The following UBR3 variants were observed in gnomAD, a reference collection of about 807,000 sequenced individuals.
UBR3 encodes the protein ubiquitin protein ligase E3 component n-recognin 3, also known as E3 ubiquitin-protein ligase UBR3.
UBR3 carries 85 observed loss-of-function variants against 243.2 expected under a neutral mutation model. The ratio of observed to expected loss-of-function variants is 0.35; its 90% CI spans 0.29 to 0.42. The LOEUF (loss-of-function observed/expected upper bound fraction) is 0.42. Among genes scored for constraint, UBR3 ranks in the 10% least tolerant of loss-of-function variants. UBR3 has a pLI of 1.00. For missense variants in UBR3, 1,686 were observed against 2,300.8 expected, an observed-to-expected ratio of 0.73 and a Z score of 5.47; for synonymous variants, 748 against 799.8, an observed-to-expected ratio of 0.94 and a Z score of 1.09.
At chr2:170,033,188 T>C (rs2090726722) in intron 31 of UBR3, among the ~76,000 whole-genome samples, 1 of 152,050 alleles carries the variant, frequency 6.6e-6, no homozygotes, top group African/African-American at 2.4e-5. Flanking sequence ...GACATAGATA[T>C]TATGCTTTCT....
At chr2:169,908,968 T>C (rs4668184) in intron 10 of UBR3, among the ~76,000 whole-genome samples, 148,583 of 152,106 alleles carry the variant, frequency 0.98, 72,653 homozygotes, top group East Asian at 1. Flanking sequence ...GGACTACAGG[T>C]GCCCGCCACC....
chr2:170,055,802 G>A (rs1423916084), intron 33 of UBR3, among the ~76,000 whole-genome samples: 1 of 151,816 alleles, frequency 6.6e-6, no homozygotes. Flanking sequence ...TTATATTTGA[G>A]CAGTTTTGTT....
At chr2:169,903,963 T>C (rs1001215042) in intron 8 of UBR3, among the ~76,000 whole-genome samples, 1 of 152,214 alleles carries the variant, frequency 6.6e-6, no homozygotes, top group Non-Finnish European at 1.5e-5. Context: ...CAGGATATGA[T>C]TTCCTTGACT....
chr2:169,925,701 C>T lies in UBR3; in HGVS notation c.2105C>T (p.Ser702Phe). 6.4e-7 allele frequency: 1 copy of T among 1,550,774 alleles called. No homozygotes were observed. The highest frequency in any genetic ancestry group is 8.7e-7 in the Non-Finnish European group (1 of 1,146,542). The change falls in exon 14 of 39, where the codon TCT (serine) becomes TTT (phenylalanine). Residue 702 changes from serine (S) to phenylalanine (F), a missense_variant. Transcript: ENST00000272793. The part of the protein sequence containing the change: ...IKGQAMTYVQ[S>F]HFCNSMIDPD... ...GGACAAGCCATGACGTATGTCCAGTCTCATTTCTGTAATTCCATGATTGAT... is the reference window on the plus strand; with the variant it reads ...GGACAAGCCATGACGTATGTCCAGTTTCATTTCTGTAATTCCATGATTGAT...
intron 5 of UBR3, among the ~76,000 whole-genome samples, chr2:169,890,525 G>GGAGAGAGAGAGAGAGA (rs781214598): frequency 1.6e-4 from 11 of 67,876 alleles, no homozygotes; most frequent in African/African-American, 6.5e-4. Flanking sequence ...GGTTTTTCTA[G>GGAGAGAGAGAGAGAGA]GAGAGAGAGA....
chr2:169,899,410 A>C (rs968089986), intron 8 of UBR3, among the ~76,000 whole-genome samples: 9 of 152,088 alleles, frequency 5.9e-5, no homozygotes, highest in Non-Finnish European at 2.9e-5. Context: ...TCCTTTTTGA[A>C]ATAGTATCTG....
At chr2:169,934,164 A>T (rs536115907) in intron 19 of UBR3, among the ~76,000 whole-genome samples, 1 of 152,326 alleles carries the variant, frequency 6.6e-6, no homozygotes, top group African/African-American at 2.4e-5. Context: ...TATTTGTTGA[A>T]TAAATAAATT....
chr2:169,845,520 TCGTCGTCGTCG>T (rs1206629788), intron 1 of UBR3, among the ~76,000 whole-genome samples: 11 of 147,432 alleles, frequency 7.5e-5, no homozygotes, highest in African/African-American at 2.7e-4. Flanking sequence ...GTCGTCGTCG[TCGTCGTCGTCG>T]TCTTCTTCTT....
At chr2:169,959,907 C>T (rs1348105100) in intron 24 of UBR3, among the ~76,000 whole-genome samples, 1 of 152,148 alleles carries the variant, frequency 6.6e-6, no homozygotes, top group African/African-American at 2.4e-5. Flanking sequence ...CACTTGACCT[C>T]TTGTGATGGG....
At chr2:170,073,081 C>T (rs1218072410) in intron 35 of UBR3, among the ~76,000 whole-genome samples, 1 of 152,032 alleles carries the variant, frequency 6.6e-6, no homozygotes, top group Admixed American at 6.6e-5. Flanking sequence ...AGTTTTAAAC[C>T]AGAAATAACT....
At chr2:169,921,143 A>G (rs2085681624) in intron 11 of UBR3, among the ~76,000 whole-genome samples, 1 of 152,236 alleles carries the variant, frequency 6.6e-6, no homozygotes, top group African/African-American at 2.4e-5. Flanking sequence ...ATTACTGGGA[A>G]TCTGGAGAAG....
At chr2:169,856,838 G>GGGGAGA in intron 1 of UBR3, among the ~76,000 whole-genome samples, 1 of 151,522 alleles carries the variant, frequency 6.6e-6, no homozygotes, top group African/African-American at 2.4e-5. Context: ...GGAGAGGGAG[G>GGGGAGA]GGGAGGGGGA....
chr2:169,891,218 C>T lies in UBR3; in HGVS notation c.1092C>T (p.Ser364=), dbSNP rs1250660332. The T allele has an allele frequency of 2.6e-6, 4 of 1,549,042 alleles. No homozygotes were observed. In the Admixed American group the frequency reaches 7.9e-5, roughly 30 times the overall value. Residue 364 remains serine (S), a synonymous_variant, in exon 6 of 39, where the codon AGC becomes AGT. Transcript: ENST00000272793. ...GLGKRKRVKL[S]SGTKDQSIMD... ...GCAAGAGAAAAAGGGTAAAACTAAG[C>T]AGTGGCACCAAAGGTATTTGTATTT...
Position 170,032,753 on chromosome 2 carries a change from C to T in UBR3, c.4556+3305C>T, listed in dbSNP as rs138311500. Among the ~76,000 whole-genome samples, 9 of 152,012 alleles carry T rather than the reference C, an allele frequency of 5.9e-5. No individual in the cohort carries two copies. The East Asian group carries it at 1.7e-3, about 29-fold the overall frequency. On this transcript the variant is annotated intron_variant, in intron 31 of 38. Coordinates refer to ENST00000272793, the MANE Select transcript of UBR3 (RefSeq NM_172070.4). ...TTTTAGTGCATAGTATGAGGAGGCACATGCTGTTGATTTATCTTGTTACTG... is the reference window on the plus strand; with the variant it reads ...TTTTAGTGCATAGTATGAGGAGGCATATGCTGTTGATTTATCTTGTTACTG...
chr2:170,080,111 T>A (rs921627270), intron 37 of UBR3, 88 bp downstream of exon 37: 35 of 1,192,048 alleles, frequency 2.9e-5, no homozygotes, highest in Non-Finnish European at 4.0e-5. Flanking sequence ...TATTAACTAC[T>A]CTTTGAATTA....
intron 36 of UBR3, among the ~76,000 whole-genome samples, chr2:170,073,937 T>TTATA (rs2091752805): frequency 1.3e-5 from 2 of 152,198 alleles, no homozygotes; most frequent in South Asian, 4.1e-4. Context: ...AAGAACTGGC[T>TTATA]TATATTTTTA....
At chr2:169,927,038 T>C in intron 16 of UBR3, 67 bp downstream of exon 16, 1 of 1,503,806 alleles carries the variant, frequency 6.6e-7, no homozygotes, top group Non-Finnish European at 9.0e-7. Context: ...CTCCCTGTGG[T>C]AGTAACTGGC....
intron 11 of UBR3, among the ~76,000 whole-genome samples, chr2:169,919,470 A>G (rs191227844): frequency 6.6e-6 from 1 of 152,350 alleles, no homozygotes; most frequent in African/African-American, 2.4e-5. Context: ...ATGGGATCTA[A>G]TTAAACTAAA....
At chr2:169,857,483 C>T (rs1317807592) in intron 1 of UBR3, among the ~76,000 whole-genome samples, 2 of 152,044 alleles carry the variant, frequency 1.3e-5, no homozygotes, top group African/African-American at 4.8e-5. Flanking sequence ...ATTGTGCGAT[C>T]TCAGCTCACT....
Sources: gnomAD v4.1 joint callset for allele counts (sites outside exome capture counted in the v4.1 genomes callset) on GRCh38, gnomAD v4.1.1 for gene constraint, MANE v1.5 for transcripts, NCBI Gene and HGNC (gene_info 2026-07-23, HGNC 2026-07-21) for gene names.